The following CPEB1 variants were observed in gnomAD, a reference collection of about 807,000 sequenced individuals.
The protein encoded by CPEB1 is cytoplasmic polyadenylation element binding protein 1, also known as cytoplasmic polyadenylation element-binding protein 1.
A neutral mutation model predicts 65.8 loss-of-function variants in CPEB1; 7 were observed. The ratio of observed to expected loss-of-function variants is 0.11; its 90% CI spans 0.06 to 0.20. The LOEUF (loss-of-function observed/expected upper bound fraction) is 0.20. CPEB1 is among the 10% of genes least tolerant of loss of function. The pLI is 1.00. For synonymous variants in CPEB1, 262 were observed against 260.0 expected, an observed-to-expected ratio of 1.01 and a Z score of -0.08; for missense variants, 551 against 712.2, an observed-to-expected ratio of 0.77 and a Z score of 2.58.
chr15:82,639,971 A>C (rs1436916594), intron 1 of CPEB1, among the ~76,000 whole-genome samples: 1 of 152,146 alleles, frequency 6.6e-6, no homozygotes, highest in Non-Finnish European at 1.5e-5. Flanking sequence ...TCTCCCGGGA[A>C]AAGAACATTG....
rs1237753733 is a variant in CPEB1, at chr15:82,553,517, C to T, written c.1094G>A (p.Ser365Asn). The T allele has an allele frequency of 1.9e-6, 3 of 1,613,632 alleles. No individual in the cohort carries two copies. The Admixed American group carries it at 5.0e-5, about 27-fold the overall frequency. Reference sequence around the variant, plus strand: ...GCCATCCTTACCAGGCCACTCCACACTCAAAGAGCCAAAAACACGGAAGGT... The same window carrying T: ...GCCATCCTTACCAGGCCACTCCACATTCAAAGAGCCAAAAACACGGAAGGT... The part of the protein sequence containing the change: ...VNTFRVFGSL[S>N]VEWPGKDGKH... Residue 365 changes from serine to asparagine, a missense_variant, in exon 8 of 13, where the codon AGT becomes AAT. Coordinates refer to ENST00000684509, the MANE Select transcript of CPEB1 (RefSeq NM_001365242.1).
intron 7 of CPEB1, 147 bp downstream of exon 7, chr15:82,553,731 A>G (rs1217528038): frequency 4.8e-5 from 36 of 750,600 alleles, no homozygotes; most frequent in Middle Eastern, 2.4e-4. Flanking sequence ...ATGGGGGTCT[A>G]TGAAATGCAC....
At chr15:82,603,659 A>C (rs957786085) in intron 3 of CPEB1, among the ~76,000 whole-genome samples, 1 of 152,214 alleles carries the variant, frequency 6.6e-6, no homozygotes, top group African/African-American at 2.4e-5. Context: ...TGTGGAGGGC[A>C]TACTGGGCCC....
chr15:82,641,890 G>A (rs2047146110), intron 1 of CPEB1, among the ~76,000 whole-genome samples: 1 of 152,090 alleles, frequency 6.6e-6, no homozygotes, highest in South Asian at 2.1e-4. Flanking sequence ...TATTAGGGTG[G>A]CAAAATAATC....
intron 3 of CPEB1, among the ~76,000 whole-genome samples, chr15:82,581,632 CT>C (rs1288638258): frequency 1.3e-5 from 2 of 152,168 alleles, no homozygotes; most frequent in African/African-American, 4.8e-5. Flanking sequence ...AATGGCCATC[CT>C]AACAAGTGTA....
chr15:82,547,075 C>T, intron 11 of CPEB1, 68 bp downstream of exon 11: 4 of 1,066,442 alleles, frequency 3.8e-6, no homozygotes, highest in East Asian at 2.4e-5. Context: ...CTCAGGCCTG[C>T]CCTGGGTAGT....
intron 4 of CPEB1, among the ~76,000 whole-genome samples, chr15:82,566,539 A>T (rs944361850): frequency 9.9e-5 from 15 of 152,168 alleles, no homozygotes; most frequent in African/African-American, 3.6e-4. Context: ...CGGTAAACAG[A>T]GTGTGGACTT....
At chr15:82,627,041 T>C (rs1389108332) in intron 3 of CPEB1, among the ~76,000 whole-genome samples, 152 bp downstream of exon 3, 1 of 152,216 alleles carries the variant, frequency 6.6e-6, no homozygotes, top group Non-Finnish European at 1.5e-5. Context: ...AGAGAGGGAT[T>C]CAATCCATAA....
Position 82,546,508 on chromosome 15 carries a change from G to T in CPEB1, c.1589C>A (p.Pro530His). 1 of 1,613,888 alleles carries T rather than the reference G, an allele frequency of 6.2e-7. No individual in the cohort carries two copies. Among genetic ancestry groups the T allele is most frequent in the Non-Finnish European group, 8.5e-7 (1 of 1,179,782 alleles). ...TKFTKKVQID[P>H]YLEDSLCHIC... is the part of the protein sequence containing the mutation. ...ATGACACAGAGAATCTTCTAGGTAG[G>T]GGTCAATCTGAACCTGCACAAAGGC... is the stretch of plus-strand genomic sequence containing the variant. The change falls in exon 12 of 13, where the codon CCC (proline) becomes CAC (histidine). Residue 530 changes from proline to histidine, a missense_variant. Pro to His is a moderately conservative substitution (Grantham distance 77). This residue lies in a region of CPEB1 where 98 missense variants were observed against 157.6 expected (regional missense o/e 0.62). Coordinates refer to ENST00000684509, the MANE Select transcript of CPEB1 (RefSeq NM_001365242.1).
At chr15:82,557,578 C>T in intron 5 of CPEB1, 182 bp downstream of exon 5, 1 of 591,884 alleles carries the variant, frequency 1.7e-6, no homozygotes, top group Non-Finnish European at 3.0e-6. Context: ...TCAAAGCATC[C>T]TCTATCCTGT....
At chr15:82,549,893 C>G (rs547383178) in intron 9 of CPEB1, among the ~76,000 whole-genome samples, 2 of 152,256 alleles carry the variant, frequency 1.3e-5, no homozygotes, top group East Asian at 3.9e-4. Context: ...GAAGTGGACA[C>G]AGTACTCACT....
rs962048788 is a variant in CPEB1 at position 82,544,294 on chromosome 15, T to C, written c.*298A>G. The C allele has an allele frequency of 3.6e-4, 75 of 205,694 alleles. No individual in the cohort carries two copies. Among genetic ancestry groups the C allele is most frequent in the Middle Eastern group, 1.6e-3 (1 of 618 alleles). 12.7% of individuals were successfully genotyped at this position (205,694 alleles called of 1,614,324 possible). On this transcript the variant is annotated 3_prime_UTR_variant, in exon 13 of 13. Transcript: ENST00000684509. ...GTAGTTTTTTTTTTTTTTTTTTTTT[T>C]CCCCGCTTTTCATCTGCAAAATGAG...
chr15:82,613,463 C>G (rs1251476608), intron 3 of CPEB1, among the ~76,000 whole-genome samples: 2 of 152,104 alleles, frequency 1.3e-5, no homozygotes, highest in African/African-American at 4.8e-5. Context: ...TCTTGGCTCA[C>G]TGCAATCTCC....
At position 82,627,278 on chromosome 15, in the gene CPEB1, C is replaced by T. The variant is rs2045854451; in HGVS notation, c.186G>A (p.Arg62=). ...STCSNANIFR[R]INAILDNSLD... is the part of the protein sequence containing the mutation. ...GAGAATTATCCAATATGGCATTTATCCTTCGAAAGATATTGGCATTACTAC... is the reference window on the plus strand; with the variant it reads ...GAGAATTATCCAATATGGCATTTATTCTTCGAAAGATATTGGCATTACTAC... Residue 62 remains arginine, a synonymous_variant, in exon 3 of 13, where the codon AGG becomes AGA. Transcript: ENST00000684509. 6.2e-7 allele frequency: 1 copy of T among 1,613,714 alleles called. No homozygotes were observed. Among genetic ancestry groups the T allele is most frequent in the Non-Finnish European group, 8.5e-7 (1 of 1,179,700 alleles).
At chr15:82,606,359 C>T (rs2043593987) in intron 3 of CPEB1, among the ~76,000 whole-genome samples, 1 of 151,470 alleles carries the variant, frequency 6.6e-6, no homozygotes, top group African/African-American at 2.4e-5. Context: ...GGTATCCCAG[C>T]TACTCAGGAG....
chr15:82,574,138 C>A (rs902781941), intron 3 of CPEB1, among the ~76,000 whole-genome samples: 1 of 152,188 alleles, frequency 6.6e-6, no homozygotes, highest in African/African-American at 2.4e-5. Context: ...ACCCCTACAA[C>A]CCCCACCACA....
intron 4 of CPEB1, among the ~76,000 whole-genome samples, chr15:82,564,215 C>A (rs2038725493): frequency 2.0e-5 from 3 of 152,184 alleles, no homozygotes; most frequent in Admixed American, 6.5e-5. Context: ...TCCATAGAGC[C>A]AGTACGCTAA....
At chr15:82,577,216 A>G (rs1239027952) in intron 3 of CPEB1, among the ~76,000 whole-genome samples, 1 of 152,072 alleles carries the variant, frequency 6.6e-6, no homozygotes, top group Non-Finnish European at 1.5e-5. Context: ...GCACACCACT[A>G]TGTCCAACTA....
intron 3 of CPEB1, among the ~76,000 whole-genome samples, chr15:82,604,668 ACAG>A (rs2043405896): frequency 6.6e-6 from 1 of 152,222 alleles, no homozygotes; most frequent in Non-Finnish European, 1.5e-5. Flanking sequence ...CAGGGGCTCA[ACAG>A]CAGATTTAAA....
Sources: allele counts gnomAD v4.1 joint callset (sites outside exome capture counted in the v4.1 genomes callset), GRCh38; gene constraint gnomAD v4.1.1; regional missense constraint gnomAD v4.1.1; transcripts MANE v1.5; gene names NCBI Gene and HGNC (gene_info 2026-07-23, HGNC 2026-07-21).